Variants in GREB1 observed in about 807,000 individuals in gnomAD.
GREB1 encodes the protein protein GREB1.
GREB1 carries 106 observed loss-of-function variants against 200.7 expected under a neutral mutation model. That is an observed-to-expected ratio of 0.53 (90% CI 0.45 to 0.62). The LOEUF is 0.62. Among genes scored for constraint, GREB1 ranks in the 20% least tolerant of loss-of-function variants. The pLI is 0.00. For synonymous variants in GREB1, 1,132 were observed against 1,092.4 expected, an observed-to-expected ratio of 1.04 and a Z score of -0.72; for missense variants, 2,243 against 2,556.8, an observed-to-expected ratio of 0.88 and a Z score of 2.65.
At chr2:11,634,695 A>C (rs533742834) in intron 29 of GREB1, among the ~76,000 whole-genome samples, 1 of 152,290 alleles carries the variant, frequency 6.6e-6, no homozygotes, top group Admixed American at 6.5e-5. Flanking sequence ...AAGTGCTCAC[A>C]TCTCCAGAGG....
upstream of GREB1, among the ~76,000 whole-genome samples, chr2:11,531,437 A>C (rs1186214632): frequency 6.6e-6 from 1 of 152,196 alleles, no homozygotes; most frequent in African/African-American, 2.4e-5. Context: ...AATTTACCCC[A>C]AAAAAGCTGT....
In GREB1 at chr2:11,612,555, C is replaced by T. The variant is rs761961354; in HGVS notation, c.3067C>T (p.Leu1023=). The change falls in exon 19 of 33, where the codon CTG becomes TTG. Residue 1023 remains leucine, a synonymous_variant. Transcript: ENST00000381486. ...RPQTYLELEG[L]PCILIFSGMD... is the part of the protein sequence containing the mutation. Reference sequence around the variant, plus strand: ...CCAGACTTACTTGGAGCTGGAGGGTCTGCCTTGCATCCTGATCTTCAGTGG... The same window carrying T: ...CCAGACTTACTTGGAGCTGGAGGGTTTGCCTTGCATCCTGATCTTCAGTGG... 3.1e-6 allele frequency: 5 copies of T among 1,612,922 alleles called. No homozygotes were observed. In the South Asian group the frequency reaches 3.3e-5, roughly 11 times the overall value.
intron 1 of GREB1, among the ~76,000 whole-genome samples, chr2:11,501,237 G>A (rs1006457848): frequency 2.0e-5 from 3 of 152,192 alleles, no homozygotes; most frequent in African/African-American, 7.2e-5. Flanking sequence ...TCAATGTCAT[G>A]TCATAGGTAT....
chr2:11,484,583 CT>C (rs201898208), intron 1 of GREB1, among the ~76,000 whole-genome samples: 1 of 13,702 alleles, frequency 7.3e-5, no homozygotes, highest in East Asian at 1.9e-3. Context: ...ACTCTCATCT[CT>C]TAAAAAACAA....
chr2:11,592,800 A>G lies in GREB1; in HGVS notation c.1370A>G (p.Glu457Gly). The change falls in exon 11 of 33, where the codon GAG (glutamate) becomes GGG (glycine). Residue 457 changes from glutamate to glycine, a missense_variant. Transcript: ENST00000381486. The stretch of plus-strand genomic sequence containing the variant: ...GCCGCGGACCAGGTGCCCTTGATGG[A>G]GGACCTGGAGCAGATCTTCCTGCGC... ...QLAADQVPLM[E>G]DLEQIFLRSW... 6.5e-7 allele frequency: 1 copy of G among 1,547,332 alleles called. No individual in the cohort carries two copies. The highest frequency in any genetic ancestry group is 8.7e-7 in the Non-Finnish European group (1 of 1,154,266).
Position 11,552,965 on chromosome 2 carries a change from G to C in GREB1, c.-161-3489G>C, listed in dbSNP as rs796839693. 7.5e-3 allele frequency among the ~76,000 whole-genome samples: 1,053 copies of C among 140,320 alleles called. 13 individuals carry two copies. The highest frequency in any genetic ancestry group is 0.029 in the African/African-American group (993 of 34,456). 92.1% of individuals were successfully genotyped at this position (140,320 alleles called of 152,430 possible). On this transcript the variant is annotated intron_variant, in intron 1 of 32. Coordinates refer to ENST00000381486, the MANE Select transcript of GREB1 (RefSeq NM_014668.4). ...GCGGAGCTTGCAGTGAGTCGAGATC[G>C]CGCCACTGCACTCCAGCCTGGGCGA...
rs1202896881 is a variant in GREB1 at position 11,642,150 on chromosome 2, T to C, written c.*1696T>C. The C allele has an allele frequency of 2.0e-5, 3 of 152,036 alleles. No individual in the cohort carries two copies. The highest frequency in any genetic ancestry group is 4.8e-5 in the African/African-American group (2 of 41,388). The allele number at this position is 152,036 out of a possible 1,614,324, so 9.4% of individuals were successfully genotyped here. ...TTTTTTCGGAGACGGAGTTTCACTC[T>C]TGCTGCCCAGGCTGGAGTGCAATGG... On this transcript the variant is annotated 3_prime_UTR_variant, in exon 33 of 33. Coordinates refer to ENST00000381486, the MANE Select transcript of GREB1 (RefSeq NM_014668.4).
chr2:11,578,357 A>C lies in GREB1; in HGVS notation c.698A>C (p.Glu233Ala). 6.2e-7 allele frequency: 1 copy of C among 1,614,114 alleles called. No individual in the cohort carries two copies. Among genetic ancestry groups the C allele is most frequent in the South Asian group, 1.1e-5 (1 of 91,082 alleles). ...TCSSSLFPAL[E>A]STAAFPSEPV... ...TCCAGTTCCCTCTTCCCAGCCCTGG[A>C]GAGCACGGCTGCCTTCCCCAGCGAG... The change falls in exon 6 of 33, where the codon GAG becomes GCG. Residue 233 changes from glutamate (E) to alanine (A), a missense_variant. Glu to Ala is a moderately radical substitution (Grantham distance 107). Around this residue, in one of 3 missense-constraint regions of GREB1, gnomAD observed 1,178 missense variants for 1,387.4 expected, o/e 0.85. Transcript: ENST00000381486.
chr2:11,583,400 G>C (rs1342451532), intron 7 of GREB1, among the ~76,000 whole-genome samples: 1 of 152,206 alleles, frequency 6.6e-6, no homozygotes, highest in African/African-American at 2.4e-5. Flanking sequence ...AGTGGTTGTT[G>C]GGAGGGCCAA....
chr2:11,551,412 C>T (rs1372059205), intron 1 of GREB1, among the ~76,000 whole-genome samples: 1 of 151,996 alleles, frequency 6.6e-6, no homozygotes, highest in Admixed American at 6.5e-5. Context: ...GTCTTCCCTC[C>T]AGTTTTATCC....
intron 17 of GREB1, among the ~76,000 whole-genome samples, chr2:11,608,151 G>C (rs1264852393): frequency 6.6e-6 from 1 of 152,154 alleles, no homozygotes; most frequent in Non-Finnish European, 1.5e-5. Flanking sequence ...GCAGGGCAAG[G>C]TCACATACAA....
intron 1 of GREB1, among the ~76,000 whole-genome samples, chr2:11,485,261 A>G (rs1484374167): frequency 1.7e-5 from 2 of 117,376 alleles, no homozygotes; most frequent in African/African-American, 6.2e-5. Flanking sequence ...ATTTTATTTT[A>G]TATATATATA....
At chr2:11,578,160 G>A in intron 5 of GREB1, 137 bp from the exon 6 acceptor site, 1 of 938,814 alleles carries the variant, frequency 1.1e-6, no homozygotes. Context: ...CTGAAACAAA[G>A]ACCAGGATGT....
At chr2:11,574,979 A>G (rs1266623295) in intron 4 of GREB1, among the ~76,000 whole-genome samples, 5 of 152,246 alleles carry the variant, frequency 3.3e-5, no homozygotes, top group Non-Finnish European at 7.3e-5. Context: ...CTTTTGAGAA[A>G]GACTAGATGT....
intron 13 of GREB1, 74 bp downstream of exon 13, chr2:11,596,313 A>T: frequency 5.7e-6 from 7 of 1,220,200 alleles, no homozygotes; most frequent in Non-Finnish European, 5.6e-6. Context: ...CAGTGGGCGC[A>T]GGTGTGCACA....
chr2:11,585,985 A>C, intron 9 of GREB1, 80 bp downstream of exon 9: 2,763 of 1,421,174 alleles, frequency 1.9e-3, no homozygotes, highest in Non-Finnish European at 2.5e-3. Context: ...GCGAGACCTC[A>C]TCCCGGTCTG....
chr2:11,562,617 TGCCATGCTGCCCGGAGGCAGTGGCCAG>T (rs1393044973), intron 3 of GREB1, 35 bp downstream of exon 3: 1 of 1,545,004 alleles, frequency 6.5e-7, no homozygotes, highest in Admixed American at 2.1e-5. Context: ...AGGCAGTGCC[TGCCATGCTGCCCGGAGGCAGTGGCCAG>T]GCGGGTGACT....
At chr2:11,525,205 C>T (rs1673830257) in intron 1 of GREB1, among the ~76,000 whole-genome samples, 1 of 152,100 alleles carries the variant, frequency 6.6e-6, no homozygotes, top group South Asian at 2.1e-4. Flanking sequence ...TTTAATGGGG[C>T]CTTTAAAATG....
At chr2:11,509,048 T>G (rs1433615226) in intron 1 of GREB1, among the ~76,000 whole-genome samples, 1 of 151,676 alleles carries the variant, frequency 6.6e-6, no homozygotes, top group Non-Finnish European at 1.5e-5. Flanking sequence ...CTAATTTTTT[T>G]GTATTTTTAG....
Sources: allele counts gnomAD v4.1 joint callset (sites outside exome capture counted in the v4.1 genomes callset), GRCh38; gene constraint gnomAD v4.1.1; regional missense constraint gnomAD v4.1.1; transcripts MANE v1.5; gene names NCBI Gene and HGNC (gene_info 2026-07-23, HGNC 2026-07-21).